Variants in NCK1 observed in about 807,000 individuals in gnomAD.
The protein encoded by NCK1 is SH2/SH3 adapter protein NCK1.
Under a neutral mutation model 36.6 loss-of-function variants are expected in NCK1, and 19 were observed. The ratio of observed to expected loss-of-function variants is 0.52; its 90% CI spans 0.36 to 0.76. The LOEUF is 0.76. Ranked by LOEUF, NCK1 falls within the 30% of genes least tolerant of loss-of-function variation. The probability of loss-of-function intolerance (pLI) is 0.00; values close to 1 mark genes in which losing one functional copy is unlikely to be tolerated. For missense variants in NCK1, 358 were observed against 445.6 expected (o/e 0.80, Z 1.77); for synonymous variants, 165 against 156.0 (o/e 1.06, Z -0.43).
intron 1 of NCK1, among the ~76,000 whole-genome samples, chr3:136,874,162 T>G (rs549834237): frequency 1.3e-5 from 2 of 152,212 alleles, no homozygotes; most frequent in African/African-American, 4.8e-5. Flanking sequence ...CAACATTCAT[T>G]TACAGTTTTT....
At chr3:136,926,916 A>G (rs937384695) in intron 1 of NCK1, among the ~76,000 whole-genome samples, 1 of 152,200 alleles carries the variant, frequency 6.6e-6, no homozygotes, top group African/African-American at 2.4e-5. Flanking sequence ...TGTCTATTAA[A>G]TCAGACTTGC....
chr3:136,875,573 T>TAAAGGG (rs1938743049), intron 1 of NCK1, among the ~76,000 whole-genome samples: 1 of 152,026 alleles, frequency 6.6e-6, no homozygotes, highest in South Asian at 2.1e-4. Context: ...TATGTAATGG[T>TAAAGGG]AAAGGGATCA....
At chr3:136,908,229 C>T (rs766102125) in intron 1 of NCK1, among the ~76,000 whole-genome samples, 9 of 152,148 alleles carry the variant, frequency 5.9e-5, no homozygotes, top group African/African-American at 1.2e-4. Flanking sequence ...CGTATCACTT[C>T]GTCATATTAA....
At chr3:136,940,459 G>A (rs1283698053) in intron 2 of NCK1, among the ~76,000 whole-genome samples, 2 of 152,054 alleles carry the variant, frequency 1.3e-5, no homozygotes. Context: ...TGTTAGGTAT[G>A]CATATATTTG....
intron 1 of NCK1, among the ~76,000 whole-genome samples, chr3:136,869,366 G>A (rs1938541241): frequency 6.6e-6 from 1 of 152,196 alleles, no homozygotes; most frequent in South Asian, 2.1e-4. Context: ...GGCCAACATG[G>A]TGAAACCCTG....
chr3:136,902,943 G>C (rs1291768180), intron 1 of NCK1, among the ~76,000 whole-genome samples: 1 of 151,936 alleles, frequency 6.6e-6, no homozygotes, highest in Non-Finnish European at 1.5e-5. Flanking sequence ...GAAATGTTCT[G>C]TAAATGTCTG....
chr3:136,871,054 A>G (rs1359898029), intron 1 of NCK1, among the ~76,000 whole-genome samples: 1 of 151,734 alleles, frequency 6.6e-6, no homozygotes, highest in Non-Finnish European at 1.5e-5. Flanking sequence ...TTTCCTTTTG[A>G]TTAATTCCTG....
intron 2 of NCK1, among the ~76,000 whole-genome samples, chr3:136,941,204 C>G (rs1940665922): frequency 6.7e-6 from 1 of 148,524 alleles, no homozygotes; most frequent in Non-Finnish European, 1.5e-5. Context: ...CTGCTCACTG[C>G]AACCTCTGCC....
chr3:136,913,560 A>G (rs1303136544), intron 1 of NCK1, among the ~76,000 whole-genome samples: 1 of 152,152 alleles, frequency 6.6e-6, no homozygotes, highest in Non-Finnish European at 1.5e-5. Flanking sequence ...GAGACACTGC[A>G]CCCAGCCCTT....
chr3:136,867,545 C>G lies in NCK1; in HGVS notation c.-19+5192C>G, dbSNP rs964461711. On this transcript the variant is annotated intron_variant, in intron 1 of 3. Coordinates refer to ENST00000481752, the MANE Select transcript of NCK1 (RefSeq NM_001291999.2). ...ATAGGGGTGAGCCACTGTGCCTGGT[C>G]TGTTGCTTTCCTTTAAACCCATACC... 3 of 150,832 alleles carry G rather than the reference C, an allele frequency of 2.0e-5. No individual in the cohort carries two copies. In the East Asian group the frequency reaches 5.9e-4, roughly 30 times the overall value. The allele number at this position is 150,832 out of a possible 1,614,324, so 9.3% of individuals were successfully genotyped here. A position where few individuals can be genotyped will look rare whatever the true frequency, so the allele number is the denominator to read the frequency against.
chr3:136,906,562 G>A (rs771194847), intron 1 of NCK1, among the ~76,000 whole-genome samples: 17 of 152,160 alleles, frequency 1.1e-4, no homozygotes, highest in Admixed American at 2.0e-4. Flanking sequence ...CAATCTTTGA[G>A]CCTCCAGGTG....
At chr3:136,899,433 TAAATTTC>T in intron 1 of NCK1, 1 of 278,398 alleles carries the variant, frequency 3.6e-6, no homozygotes, top group Non-Finnish European at 7.2e-6. Context: ...TTTTTTTTTT[TAAATTTC>T]TTTAACTTTA....
chr3:136,946,985 C>A (rs1576995916), intron 3 of NCK1: 1 of 151,850 alleles, frequency 6.6e-6, no homozygotes, highest in East Asian at 1.9e-4. Flanking sequence ...AATGGCCTTT[C>A]TTTTTCCTTG....
intron 1 of NCK1, among the ~76,000 whole-genome samples, chr3:136,922,328 G>C (rs1446942829): frequency 6.6e-6 from 1 of 152,164 alleles, no homozygotes; most frequent in African/African-American, 2.4e-5. Flanking sequence ...AGTTCTTGAT[G>C]GTAGAAGATT....
chr3:136,894,349 A>G (rs1182197203), intron 1 of NCK1, among the ~76,000 whole-genome samples: 3 of 152,152 alleles, frequency 2.0e-5, no homozygotes, highest in Admixed American at 6.6e-5. Context: ...AAACCCGTGC[A>G]TCTCAGGTAG....
chr3:136,899,434 A>T (rs61135304), intron 1 of NCK1: 2,997 of 151,362 alleles, frequency 0.02, 86 homozygotes, highest in African/African-American at 0.096. Flanking sequence ...TTTTTTTTTT[A>T]AATTTCTTTA....
intron 3 of NCK1, chr3:136,946,879 TATAA>T (rs1257538203): frequency 6.6e-6 from 1 of 152,256 alleles, no homozygotes; most frequent in Non-Finnish European, 1.5e-5. Flanking sequence ...ACAATAAAAC[TATAA>T]AACCATAAAA....
intron 1 of NCK1, among the ~76,000 whole-genome samples, chr3:136,878,851 G>A (rs973995004): frequency 3.9e-5 from 6 of 152,098 alleles, no homozygotes; most frequent in Admixed American, 1.3e-4. Flanking sequence ...GAGGTCAAGC[G>A]TTCTACAGAA....
chr3:136,907,693 T>G (rs1560043103), intron 1 of NCK1, among the ~76,000 whole-genome samples: 1 of 152,230 alleles, frequency 6.6e-6, no homozygotes, highest in Non-Finnish European at 1.5e-5. Context: ...ATCTCCTCAC[T>G]ATTTTGTTCC....
Sources: allele counts gnomAD v4.1 joint callset (sites outside exome capture counted in the v4.1 genomes callset), GRCh38; gene constraint gnomAD v4.1.1; transcripts MANE v1.5; gene names NCBI Gene and HGNC (gene_info 2026-07-23, HGNC 2026-07-21).